PTP4A1: variants seen among roughly 807,000 people sequenced by gnomAD.
The protein encoded by PTP4A1 is protein tyrosine phosphatase type IVA 1.
A neutral mutation model predicts 20.5 loss-of-function variants in PTP4A1; 9 were observed. The observed-to-expected ratio is 0.44, with a 90% CI of 0.26 to 0.77. PTP4A1 has a LOEUF of 0.77. Ranked by LOEUF, PTP4A1 falls within the 30% of genes least tolerant of loss-of-function variation. The pLI, the probability that PTP4A1 is intolerant of heterozygous loss-of-function variation, is 0.19. For synonymous variants in PTP4A1, 78 were observed against 67.4 expected (o/e 1.16, Z -0.77); for missense variants, 137 against 218.8 (o/e 0.63, Z 2.36).
intron 2 of PTP4A1, among the ~76,000 whole-genome samples, chr6:63,534,192 A>G (rs1775600562): frequency 6.6e-6 from 1 of 152,102 alleles, no homozygotes; most frequent in African/African-American, 2.4e-5. Flanking sequence ...CAAATTGAAC[A>G]CACATCAGAA....
rs778500555 is a variant in PTP4A1 at position 63,578,891 on chromosome 6, G to C, written c.199-7G>C. 6.5e-7 allele frequency: 1 copy of C among 1,534,888 alleles called. No individual in the cohort carries two copies. The highest frequency in any genetic ancestry group is 8.8e-7 in the Non-Finnish European group (1 of 1,139,844). ...ATCTAAAATGTTTAAATATTCTTCT[G>C]ACTTAGGATTGGCCTTTTGATGATG... On this transcript the variant is annotated splice_polypyrimidine_tract_variant and splice_region_variant and intron_variant, in intron 3 of 5. Coordinates refer to ENST00000626021, the MANE Select transcript of PTP4A1 (RefSeq NM_003463.5).
upstream of PTP4A1, among the ~76,000 whole-genome samples, chr6:63,568,103 G>A (rs911774209): frequency 2.0e-5 from 3 of 152,162 alleles, no homozygotes; most frequent in Admixed American, 1.3e-4. Context: ...TCAACAATGA[G>A]GCTGTTTCAC....
Position 63,581,667 on chromosome 6 carries a change from G to T in PTP4A1, c.*1493G>T, listed in dbSNP as rs1214773280. ...CCATTATATACTTTTTAAAGGTCTA[G>T]ATAATTTTGAACCAATTTATTATTG... On this transcript the variant is annotated 3_prime_UTR_variant, in exon 6 of 6. Coordinates refer to ENST00000626021, the MANE Select transcript of PTP4A1 (RefSeq NM_003463.5). 6.6e-6 allele frequency: 1 copy of T among 152,064 alleles called. No individual in the cohort carries two copies. Among genetic ancestry groups the T allele is most frequent in the Admixed American group, 6.5e-5 (1 of 15,268 alleles). 9.4% of individuals were successfully genotyped at this position (152,064 alleles called of 1,614,324 possible). A position where few individuals can be genotyped will look rare whatever the true frequency, so the allele number is the denominator to read the frequency against.
At chr6:63,560,402 CTTT>C (rs915922722) in intron 3 of PTP4A1, among the ~76,000 whole-genome samples, 1 of 141,586 alleles carries the variant, frequency 7.1e-6, no homozygotes. Context: ...AACACAAAGC[CTTT>C]TTTTTTTTTT....
intron 1 of PTP4A1, among the ~76,000 whole-genome samples, chr6:63,525,836 G>A (rs906965676): frequency 6.6e-6 from 1 of 152,126 alleles, no homozygotes; most frequent in Admixed American, 6.6e-5. Context: ...AAAATAGTTG[G>A]TGTGGTTTCT....
At chr6:63,579,104 T>C in intron 4 of PTP4A1, 76 bp downstream of exon 4, 4 of 1,406,354 alleles carry the variant, frequency 2.8e-6, no homozygotes, top group Admixed American at 2.7e-5. Context: ...AAAATTCTTA[T>C]AATTTTTTAA....
chr6:63,548,807 G>A lies in PTP4A1; in HGVS notation c.-639-1493G>A, dbSNP rs966475743. On this transcript the variant is annotated intron_variant, in intron 2 of 3. Coordinates refer to the PTP4A1 transcript ENST00000639568. Reference sequence around the variant, plus strand: ...CCAGGACATTGCCTCCCCAGTGACGGCGGATCTCATTGTATCTGTCATTGT... The same window carrying A: ...CCAGGACATTGCCTCCCCAGTGACGACGGATCTCATTGTATCTGTCATTGT... 5 of 737,118 alleles carry A rather than the reference G, an allele frequency of 6.8e-6. No individual in the cohort carries two copies. In the African/African-American group the frequency reaches 8.6e-5, roughly 13 times the overall value. The allele number at this position is 737,118 out of a possible 1,614,324, so 45.7% of individuals were successfully genotyped here.
rs1581926881 is a variant in PTP4A1, at chr6:63,548,791, T to C, written c.-639-1509T>C. Reference sequence around the variant, plus strand: ...GCCACAGACTTGGGACCCAGGACATTGCCTCCCCAGTGACGGCGGATCTCA... The same window carrying C: ...GCCACAGACTTGGGACCCAGGACATCGCCTCCCCAGTGACGGCGGATCTCA... On this transcript the variant is annotated intron_variant, in intron 2 of 3. Coordinates refer to the PTP4A1 transcript ENST00000639568. 7 of 727,366 alleles carry C rather than the reference T, an allele frequency of 9.6e-6. No individual in the cohort carries two copies. The East Asian group carries it at 1.7e-4, about 18-fold the overall frequency. 45.1% of individuals were successfully genotyped at this position (727,366 alleles called of 1,614,324 possible). A position where few individuals can be genotyped will look rare whatever the true frequency, so the allele number is the denominator to read the frequency against.
chr6:63,529,724 T>A (rs1462923636), intron 2 of PTP4A1, among the ~76,000 whole-genome samples: 1 of 152,212 alleles, frequency 6.6e-6, no homozygotes, highest in Non-Finnish European at 1.5e-5. Context: ...TTATGCATTT[T>A]ATCACACAGT....
In PTP4A1 at chr6:63,551,421, C is replaced by T. The variant is rs139450206; in HGVS notation, c.-446+928C>T. ...AAATAGAAAATAGAAAATAAAATGTCCACAATTCATACTGATTCACAAATA... is the reference window on the plus strand; with the variant it reads ...AAATAGAAAATAGAAAATAAAATGTTCACAATTCATACTGATTCACAAATA... On this transcript the variant is annotated intron_variant, in intron 3 of 3. Coordinates refer to the PTP4A1 transcript ENST00000639568. 3.7e-3 allele frequency among the ~76,000 whole-genome samples: 563 copies of T among 152,258 alleles called. 3 individuals carry two copies. Among genetic ancestry groups the T allele is most frequent in the Non-Finnish European group, 6.7e-3 (459 of 68,018 alleles).
At chr6:63,546,712 A>G (rs1776198033) in intron 2 of PTP4A1, among the ~76,000 whole-genome samples, 1 of 152,162 alleles carries the variant, frequency 6.6e-6, no homozygotes, top group Non-Finnish European at 1.5e-5. Context: ...ATCTCAAAAA[A>G]AAAAAATAGA....
chr6:63,555,588 C>T (rs1280171798), intron 3 of PTP4A1, among the ~76,000 whole-genome samples: 2 of 152,098 alleles, frequency 1.3e-5, no homozygotes, highest in East Asian at 3.8e-4. Context: ...AGGATTTTGT[C>T]TCACTGCATG....
intron 2 of PTP4A1, among the ~76,000 whole-genome samples, chr6:63,533,953 C>T (rs564750137): frequency 7.2e-5 from 11 of 152,044 alleles, no homozygotes; most frequent in African/African-American, 2.7e-4. Context: ...AAGTGATTCT[C>T]GTGCCTCAGC....
At chr6:63,545,742 C>A (rs1268374747) in intron 2 of PTP4A1, among the ~76,000 whole-genome samples, 1 of 152,114 alleles carries the variant, frequency 6.6e-6, no homozygotes, top group East Asian at 1.9e-4. Context: ...GAACCAAAAT[C>A]TGAATATTAT....
intron 2 of PTP4A1, among the ~76,000 whole-genome samples, chr6:63,534,708 G>A (rs936773365): frequency 3.3e-5 from 5 of 150,778 alleles, no homozygotes; most frequent in Admixed American, 6.6e-5. Context: ...AGCACTTTGG[G>A]AGGCTGAGGC....
intron 2 of PTP4A1, among the ~76,000 whole-genome samples, chr6:63,529,037 C>T (rs908888337): frequency 3.3e-5 from 5 of 150,706 alleles, no homozygotes; most frequent in Non-Finnish European, 4.4e-5. Context: ...TACAGTGAGC[C>T]GAGATTGCAC....
At chr6:63,568,457 G>A (rs1169803061), upstream of PTP4A1, among the ~76,000 whole-genome samples, 1 of 152,072 alleles carries the variant, frequency 6.6e-6, no homozygotes, top group East Asian at 1.9e-4. Flanking sequence ...ACAGTTTGTG[G>A]TGGCCCAAAA....
intron 2 of PTP4A1, among the ~76,000 whole-genome samples, chr6:63,532,126 T>G (rs1407589914): frequency 6.6e-6 from 1 of 152,152 alleles, no homozygotes; most frequent in African/African-American, 2.4e-5. Context: ...TTGCCTCTTC[T>G]TATGACAACT....
At chr6:63,556,945 A>G (rs181210256) in intron 3 of PTP4A1, among the ~76,000 whole-genome samples, 29 of 152,136 alleles carry the variant, frequency 1.9e-4, no homozygotes, top group Admixed American at 7.2e-4. Flanking sequence ...GCCAGATCCT[A>G]TTCCTCAGGG....
Sources: allele counts gnomAD v4.1 joint callset (sites outside exome capture counted in the v4.1 genomes callset), GRCh38; gene constraint gnomAD v4.1.1; transcripts MANE v1.5; gene names NCBI Gene and HGNC (gene_info 2026-07-23, HGNC 2026-07-21).